Variants in TMBIM4 observed in about 807,000 individuals in gnomAD.
TMBIM4 encodes the protein protein lifeguard 4.
TMBIM4 carries 28 observed loss-of-function variants against 27.7 expected under a neutral mutation model. The ratio of observed to expected loss-of-function variants is 1.01; its 90% CI spans 0.75 to 1.38. TMBIM4 has a LOEUF of 1.38. Among genes scored for constraint, TMBIM4 ranks in the 40% most tolerant of loss-of-function variants. The pLI is 0.00. For synonymous variants in TMBIM4, 115 were observed against 113.1 expected (o/e 1.02, Z -0.11); for missense variants, 265 against 277.5 (o/e 0.95, Z 0.32).
At chr12:66,160,164 C>G (rs201461337) in intron 1 of TMBIM4, 86 of 702,664 alleles carry the variant, frequency 1.2e-4, no homozygotes, top group Non-Finnish European at 1.9e-4. Flanking sequence ...ATGTTTCTTA[C>G]TTGGCCCTTT....
At position 66,161,644 on chromosome 12, in the gene TMBIM4, C is replaced by T. The variant is rs563515132; in HGVS notation, c.98-8196G>A. Among the ~76,000 whole-genome samples, 5 of 152,236 alleles carry T rather than the reference C, an allele frequency of 3.3e-5. No individual in the cohort carries two copies. In the East Asian group the frequency reaches 9.6e-4, roughly 29 times the overall value. On this transcript the variant is annotated intron_variant, in intron 1 of 6. Coordinates refer to ENST00000358230, the MANE Select transcript of TMBIM4 (RefSeq NM_016056.4). ...TGGTGTAGTCAGCTTAAGTTACCAA[C>T]CTAGTGATAAGGACTCCTAATAAAA...
Position 66,143,212 on chromosome 12 carries a change from C to T in TMBIM4, c.464+2629G>A, listed in dbSNP as rs139754904. Among the ~76,000 whole-genome samples, 305 of 152,244 alleles carry T rather than the reference C, an allele frequency of 2.0e-3. 3 individuals are homozygous for T. The East Asian group carries it at 0.049, about 24-fold the overall frequency. On this transcript the variant is annotated intron_variant, in intron 5 of 6. Transcript: ENST00000358230. ...GTTCACTCTACTCTGACTCACATCT[C>T]ATTAAATATTTAAGCATCAAAGAGA...
chr12:66,154,295 T>C (rs892801909), intron 1 of TMBIM4, among the ~76,000 whole-genome samples: 3 of 152,134 alleles, frequency 2.0e-5, no homozygotes, highest in African/African-American at 7.2e-5. Context: ...AAACATACCA[T>C]TAATCACTTT....
At chr12:66,152,137 A>G (rs1032234146) in intron 3 of TMBIM4, 134 bp downstream of exon 3, 10 of 413,056 alleles carry the variant, frequency 2.4e-5, no homozygotes, top group African/African-American at 1.7e-4. Context: ...CTATAAAATT[A>G]CAATTAATTT....
chr12:66,149,444 C>CAAAAAA (rs61425460), intron 3 of TMBIM4, among the ~76,000 whole-genome samples: 1 of 74,462 alleles, frequency 1.3e-5, no homozygotes, highest in Non-Finnish European at 2.4e-5. Flanking sequence ...GACCCTGTCT[C>CAAAAAA]AAAAAAAAAA....
intron 5 of TMBIM4, among the ~76,000 whole-genome samples, chr12:66,143,132 G>GT (rs1303559820): frequency 6.6e-6 from 1 of 152,132 alleles, no homozygotes; most frequent in East Asian, 1.9e-4. Flanking sequence ...TGTAGATACT[G>GT]TAACAGGTAA....
At chr12:66,146,960 C>A (rs1565783290) in intron 4 of TMBIM4, among the ~76,000 whole-genome samples, 1 of 152,156 alleles carries the variant, frequency 6.6e-6, no homozygotes, top group East Asian at 1.9e-4. Flanking sequence ...TTTTCTACCC[C>A]CAATTCCAAT....
In TMBIM4 at chr12:66,138,715, A is replaced by G. The variant is rs953501447; in HGVS notation, c.510+9T>C. On this transcript the variant is annotated intron_variant, in intron 6 of 6. Coordinates refer to ENST00000358230, the MANE Select transcript of TMBIM4 (RefSeq NM_016056.4). ...TATATTTCAAATTAACCATTATAAC[A>G]TAACTTACCTTCAAGAATCCTGACA... The G allele has an allele frequency of 6.5e-7, 1 of 1,547,476 alleles. No individual in the cohort carries two copies. The highest frequency in any genetic ancestry group is 8.7e-7 in the Non-Finnish European group (1 of 1,154,962).
Position 66,140,123 on chromosome 12 carries a change from T to C in TMBIM4, c.465-1354A>G, listed in dbSNP as rs544005872. Among the ~76,000 whole-genome samples, 7 of 152,144 alleles carry C rather than the reference T, an allele frequency of 4.6e-5. No individual in the cohort carries two copies. In the East Asian group the frequency reaches 1.4e-3, roughly 29 times the overall value. ...CATCCAATAAAAAATTATAAAGGCATGCAAAAGAATGAAGGAAATATGACC... is the reference window on the plus strand; with the variant it reads ...CATCCAATAAAAAATTATAAAGGCACGCAAAAGAATGAAGGAAATATGACC... On this transcript the variant is annotated intron_variant, in intron 5 of 6. Coordinates refer to ENST00000358230, the MANE Select transcript of TMBIM4 (RefSeq NM_016056.4).
intron 1 of TMBIM4, among the ~76,000 whole-genome samples, chr12:66,158,413 G>C (rs1004395511): frequency 1.3e-5 from 2 of 151,962 alleles, no homozygotes; most frequent in African/African-American, 4.8e-5. Context: ...GGCCAAGGCG[G>C]GCAGATCACG....
intron 1 of TMBIM4, chr12:66,168,707 A>C (rs2052177596): frequency 6.6e-6 from 1 of 152,034 alleles, no homozygotes; most frequent in African/African-American, 2.4e-5. Flanking sequence ...TCTCTCCATA[A>C]ATTTTCTCCC....
chr12:66,161,221 T>C (rs1241657618), intron 1 of TMBIM4: 1 of 152,350 alleles, frequency 6.6e-6, no homozygotes, highest in Non-Finnish European at 1.5e-5. Context: ...TCAGGAAATG[T>C]ACACATTACA....
At chr12:66,164,644 G>A (rs868637125) in intron 1 of TMBIM4, among the ~76,000 whole-genome samples, 3 of 152,334 alleles carry the variant, frequency 2.0e-5, no homozygotes, top group Middle Eastern at 6.8e-3. Flanking sequence ...TTACTCAGTG[G>A]TGAAAAGCTG....
intron 2 of TMBIM4, 84 bp downstream of exon 2, chr12:66,153,256 G>GA (rs1168419893): frequency 3.7e-6 from 3 of 819,610 alleles, no homozygotes; most frequent in African/African-American, 3.6e-5. Context: ...AAAGTTAATA[G>GA]AAAAAAGTGG....
At chr12:66,164,431 G>A (rs2052092977) in intron 1 of TMBIM4, among the ~76,000 whole-genome samples, 1 of 152,212 alleles carries the variant, frequency 6.6e-6, no homozygotes, top group Admixed American at 6.5e-5. Context: ...ACAACTGAAG[G>A]AAGACAACAT....
At chr12:66,157,663 C>G (rs139864487) in intron 1 of TMBIM4, among the ~76,000 whole-genome samples, 108 of 152,282 alleles carry the variant, frequency 7.1e-4, no homozygotes, top group African/African-American at 2.5e-3. Context: ...CTTGAAGAAA[C>G]TGTTTGTAGA....
intron 4 of TMBIM4, 22 bp downstream of exon 4, chr12:66,147,886 T>G: frequency 6.9e-6 from 11 of 1,603,790 alleles, no homozygotes; most frequent in Non-Finnish European, 8.5e-6. Context: ...TTATAACATA[T>G]AGAAATGCAG....
intron 1 of TMBIM4, chr12:66,168,653 C>A (rs1280489636): frequency 6.6e-6 from 1 of 152,344 alleles, no homozygotes; most frequent in Non-Finnish European, 1.5e-5. Context: ...CCAATCAACT[C>A]TTTCTGTACC....
intron 3 of TMBIM4, among the ~76,000 whole-genome samples, chr12:66,150,000 A>C (rs1592542259): frequency 6.6e-6 from 1 of 152,196 alleles, no homozygotes; most frequent in East Asian, 1.9e-4. Context: ...AATTTAAGGA[A>C]ATGTATTGTA....
Sources: allele counts gnomAD v4.1 joint callset (sites outside exome capture counted in the v4.1 genomes callset), GRCh38; gene constraint gnomAD v4.1.1; transcripts MANE v1.5; gene names NCBI Gene and HGNC (gene_info 2026-07-23, HGNC 2026-07-21).